PCDHGA11: variants seen among roughly 807,000 people sequenced by gnomAD.
PCDHGA11 encodes protocadherin gamma-A11.
A neutral mutation model predicts 60.4 loss-of-function variants in PCDHGA11; 39 were observed. That is an observed-to-expected ratio of 0.65 (90% CI 0.50 to 0.84). The LOEUF (loss-of-function observed/expected upper bound fraction) is 0.84. Among genes scored for constraint, PCDHGA11 ranks in the 40% least tolerant of loss-of-function variants. The pLI is 0.00. For synonymous variants in PCDHGA11, 533 were observed against 510.3 expected (o/e 1.04, Z -0.60); for missense variants, 1,165 against 1,197.7 (o/e 0.97, Z 0.40).
At position 141,423,066 on chromosome 5, in the gene PCDHGA11, C is replaced by T. The variant is rs1375575018; in HGVS notation, c.1839C>T (p.Ser613=). ...TGTCCTATCGCCTGCTTAAGGCCAG[C>T]GAGCCGGGACTCTTCGCGGTGGGGG... is the stretch of plus-strand genomic sequence containing the variant. The part of the protein sequence containing the change: ...AWLSYRLLKA[S]EPGLFAVGEH... Residue 613 remains serine, a synonymous_variant, in exon 1 of 4, where the codon AGC becomes AGT. Transcript: ENST00000398587. 1.2e-6 allele frequency: 2 copies of T among 1,614,002 alleles called. No homozygotes were observed. The highest frequency in any genetic ancestry group is 1.1e-5 in the South Asian group (1 of 91,090).
rs1299667864 is a variant in PCDHGA11 at position 141,423,364 on chromosome 5, C to G, written c.2137C>G (p.Leu713Val). 1.2e-6 allele frequency: 2 copies of G among 1,614,102 alleles called. No homozygotes were observed. Among genetic ancestry groups the G allele is most frequent in the East Asian group, 4.5e-5 (2 of 44,896 alleles). The change falls in exon 1 of 4, where the codon CTG becomes GTG. Residue 713 changes from leucine to valine, a missense_variant. Leu to Val is a conservative substitution (Grantham distance 32, BLOSUM62 1). Coordinates refer to ENST00000398587, the MANE Select transcript of PCDHGA11 (RefSeq NM_018914.3). The stretch of plus-strand genomic sequence containing the variant: ...CTTCCTGGTCTTTGTCATCGTGCTG[C>G]TGGCACTCAGGCTGTGGCGCTGGCA... Reference protein sequence around the residue: ...CIFLVFVIVLLALRLWRWHKS... With the variant: ...CIFLVFVIVLVALRLWRWHKS...
Position 141,485,754 on chromosome 5 carries a change from T to A in PCDHGA11, c.2434-9053T>A, listed in dbSNP as rs770807249. ...AGCGACGGCAGCCTGGTCCCAGAGC[T>A]GCTCCTGGAGAAGCCTTTGGATCGA... On this transcript the variant is annotated intron_variant, in intron 1 of 3. Transcript: ENST00000398587. This position sits in a 1 kb window ranked among gnomAD's most constrained non-coding sequence, Gnocchi z 5.7. 1 of 1,614,236 alleles carries A rather than the reference T, an allele frequency of 6.2e-7. No individual in the cohort carries two copies. The highest frequency in any genetic ancestry group is 8.5e-7 in the Non-Finnish European group (1 of 1,180,044).
chr5:141,477,433 C>T lies in PCDHGA11; in HGVS notation c.2434-17374C>T, dbSNP rs1389102640. On this transcript the variant is annotated intron_variant, in intron 1 of 3. Transcript: ENST00000398587. The surrounding 1 kb of genome is among the most constrained non-coding windows in gnomAD (Gnocchi z 4.9). ...ACGCCGGAACCCCTTCCCTCTCAGCCCTTACAATAGTGCGTGTTCAAGTGT... is the reference window on the plus strand; with the variant it reads ...ACGCCGGAACCCCTTCCCTCTCAGCTCTTACAATAGTGCGTGTTCAAGTGT... 6.2e-7 allele frequency: 1 copy of T among 1,614,048 alleles called. No individual in the cohort carries two copies. The highest frequency in any genetic ancestry group is 2.2e-5 in the East Asian group (1 of 44,892).
In PCDHGA11 at chr5:141,487,186, A is replaced by G; in HGVS notation, c.2434-7621A>G. 4 of 1,613,760 alleles carry G rather than the reference A, an allele frequency of 2.5e-6. No individual in the cohort carries two copies. The highest frequency in any genetic ancestry group is 2.5e-6 in the Non-Finnish European group (3 of 1,179,662). ...TGTCCTTAGAGGAAGACACTCATCC[A>G]GTTGTCCCAGATCTTCGAGAATCTT... is the stretch of plus-strand genomic sequence containing the variant. On this transcript the variant is annotated intron_variant, in intron 1 of 3. Coordinates refer to ENST00000398587, the MANE Select transcript of PCDHGA11 (RefSeq NM_018914.3). This position sits in a 1 kb window ranked among gnomAD's most constrained non-coding sequence, Gnocchi z 5.0.
Position 141,431,668 on chromosome 5 carries a change from A to C in PCDHGA11, c.2433+8008A>C. ...ATTGTAATTCAGGGACAATATCAAC[A>C]ATAGGGGAGTTGGACCACGAGGAGT... is the stretch of plus-strand genomic sequence containing the variant. On this transcript the variant is annotated intron_variant, in intron 1 of 3. Coordinates refer to ENST00000398587, the MANE Select transcript of PCDHGA11 (RefSeq NM_018914.3). This position sits in a 1 kb window ranked among gnomAD's most constrained non-coding sequence, Gnocchi z 4.8. The C allele has an allele frequency of 6.2e-7, 1 of 1,614,208 alleles. No individual in the cohort carries two copies. Among genetic ancestry groups the C allele is most frequent in the Non-Finnish European group, 8.5e-7 (1 of 1,180,036 alleles).
Position 141,489,084 on chromosome 5 carries a change from C to T in PCDHGA11, c.2434-5723C>T, listed in dbSNP as rs1232276875. On this transcript the variant is annotated intron_variant, in intron 1 of 3. Transcript: ENST00000398587. This position sits in a 1 kb window ranked among gnomAD's most constrained non-coding sequence, Gnocchi z 4.5. ...CTCCCCCCTGCCCACCCCCGCCACTCGGTGACTAAGAACTGCTGCAAGCAG... is the reference window on the plus strand; with the variant it reads ...CTCCCCCCTGCCCACCCCCGCCACTTGGTGACTAAGAACTGCTGCAAGCAG... The T allele has an allele frequency of 1.5e-5, 5 of 329,072 alleles. No homozygotes were observed. Among genetic ancestry groups the T allele is most frequent in the South Asian group, 1.3e-4 (2 of 15,846 alleles). The allele number at this position is 329,072 out of a possible 1,614,324, so 20.4% of individuals were successfully genotyped here. A position where few individuals can be genotyped will look rare whatever the true frequency, so the allele number is the denominator to read the frequency against.
At chr5:141,474,854 T>G (rs1007461186) in intron 1 of PCDHGA11, among the ~76,000 whole-genome samples, 3 of 152,260 alleles carry the variant, frequency 2.0e-5, no homozygotes, top group African/African-American at 7.2e-5. Flanking sequence ...CCTGCCTTCT[T>G]CATTTAATAG....
Position 141,486,054 on chromosome 5 carries a change from G to T in PCDHGA11, c.2434-8753G>T. The T allele has an allele frequency of 1.2e-6, 2 of 1,614,124 alleles. No homozygotes were observed. Among genetic ancestry groups the T allele is most frequent in the South Asian group, 1.1e-5 (1 of 91,072 alleles). On this transcript the variant is annotated intron_variant, in intron 1 of 3. Transcript: ENST00000398587. The surrounding 1 kb of genome is among the most constrained non-coding windows in gnomAD (Gnocchi z 5.0). The stretch of plus-strand genomic sequence containing the variant: ...CCTGATCGTGTAAGAAACCTCTTTA[G>T]CCTGCACCCCACTACTGGAAAGCTT...
At position 141,486,348 on chromosome 5, in the gene PCDHGA11, A is replaced by G. The variant is rs754981437; in HGVS notation, c.2434-8459A>G. ...GATGTGAGCCTCCGCATTCCTGACC[A>G]CTTGCCATTTGCCCTCAAGTCTGCC... is the stretch of plus-strand genomic sequence containing the variant. On this transcript the variant is annotated intron_variant, in intron 1 of 3. Transcript: ENST00000398587. The surrounding 1 kb of genome is among the most constrained non-coding windows in gnomAD (Gnocchi z 5.0). 1.9e-6 allele frequency: 3 copies of G among 1,613,900 alleles called. No individual in the cohort carries two copies. The highest frequency in any genetic ancestry group is 2.5e-6 in the Non-Finnish European group (3 of 1,179,996).
intron 3 of PCDHGA11, among the ~76,000 whole-genome samples, chr5:141,510,266 C>T (rs1202092142): frequency 7.0e-6 from 1 of 143,198 alleles, no homozygotes; most frequent in Non-Finnish European, 1.5e-5. Flanking sequence ...GAGCAGGACT[C>T]CATCTTAAAA....
chr5:141,473,147 T>A (rs2099315103), intron 1 of PCDHGA11, among the ~76,000 whole-genome samples: 1 of 152,222 alleles, frequency 6.6e-6, no homozygotes, highest in Admixed American at 6.5e-5. Flanking sequence ...TCTCTTCAGA[T>A]CACTAGGGCT....
intron 1 of PCDHGA11, chr5:141,427,797 G>A (rs1194658203): frequency 6.0e-6 from 9 of 1,505,188 alleles, no homozygotes; most frequent in Admixed American, 3.4e-5. Context: ...CTACGTGTCC[G>A]TGAGCGCACA....
Position 141,489,900 on chromosome 5 carries a change from A to T in PCDHGA11, c.2434-4907A>T. ...TTACTGCTGTGGATGGGGGGACCCC[A>T]GCCCGCTCAGGGACCACCCTTATCT... On this transcript the variant is annotated intron_variant, in intron 1 of 3. Coordinates refer to ENST00000398587, the MANE Select transcript of PCDHGA11 (RefSeq NM_018914.3). This position sits in a 1 kb window ranked among gnomAD's most constrained non-coding sequence, Gnocchi z 4.5. The T allele has an allele frequency of 6.2e-7, 1 of 1,614,254 alleles. No homozygotes were observed. The highest frequency in any genetic ancestry group is 8.5e-7 in the Non-Finnish European group (1 of 1,180,044).
At chr5:141,448,331 A>T (rs2098582637) in intron 1 of PCDHGA11, among the ~76,000 whole-genome samples, 1 of 152,146 alleles carries the variant, frequency 6.6e-6, no homozygotes, top group Non-Finnish European at 1.5e-5. Flanking sequence ...GAATCTTTAT[A>T]GCCATGTACC....
At position 141,487,075 on chromosome 5, in the gene PCDHGA11, C is replaced by T. The variant is rs755563146; in HGVS notation, c.2434-7732C>T. The T allele has an allele frequency of 1.9e-6, 3 of 1,614,116 alleles. No individual in the cohort carries two copies. The highest frequency in any genetic ancestry group is 2.5e-6 in the Non-Finnish European group (3 of 1,179,982). ...GGGAGGTGCGGACGGCTGTTCCTATCCCAGCTGACCTCCCACCACAGAAGC... is the reference window on the plus strand; with the variant it reads ...GGGAGGTGCGGACGGCTGTTCCTATTCCAGCTGACCTCCCACCACAGAAGC... On this transcript the variant is annotated intron_variant, in intron 1 of 3. Transcript: ENST00000398587. This position sits in a 1 kb window ranked among gnomAD's most constrained non-coding sequence, Gnocchi z 5.0.
chr5:141,446,222 G>C (rs74509878), intron 1 of PCDHGA11, among the ~76,000 whole-genome samples: 7,034 of 152,204 alleles, frequency 0.046, 244 homozygotes, highest in African/African-American at 0.093. Flanking sequence ...ATATTGTTGT[G>C]TTGCCTGGCA....
intron 1 of PCDHGA11, among the ~76,000 whole-genome samples, chr5:141,445,740 A>T (rs993128906): frequency 2.6e-5 from 4 of 152,226 alleles, no homozygotes; most frequent in Admixed American, 1.3e-4. Flanking sequence ...AGATCTTTTT[A>T]AAAAATAAAA....
intron 1 of PCDHGA11, among the ~76,000 whole-genome samples, chr5:141,463,570 T>A (rs557041487): frequency 2.7e-5 from 4 of 146,586 alleles, no homozygotes; most frequent in Middle Eastern, 3.5e-3. Context: ...TGCCTCAGCC[T>A]CCCGAGTAGC....
At chr5:141,471,802 A>G (rs2154571076) in intron 1 of PCDHGA11, among the ~76,000 whole-genome samples, 1 of 152,362 alleles carries the variant, frequency 6.6e-6, no homozygotes, top group African/African-American at 2.4e-5. Context: ...TATAAAAGAC[A>G]TATAAAAGAC....
Sources: allele counts gnomAD v4.1 joint callset (sites outside exome capture counted in the v4.1 genomes callset), GRCh38; gene constraint gnomAD v4.1.1; non-coding constraint Gnocchi (gnomAD v3.1); transcripts MANE v1.5; gene names NCBI Gene and HGNC (gene_info 2026-07-23, HGNC 2026-07-21).